The following CNOT4 variants were observed in gnomAD, a reference collection of about 807,000 sequenced individuals.
CNOT4 encodes the protein CCR4-associated factor 4.
Under a neutral mutation model 73.8 loss-of-function variants are expected in CNOT4, and 8 were observed. That is an observed-to-expected ratio of 0.11 (90% confidence interval 0.06 to 0.20). The LOEUF (loss-of-function observed/expected upper bound fraction) is 0.20, where lower values mean the gene tolerates loss of function less well. Among genes scored for constraint, CNOT4 ranks in the 10% least tolerant of loss-of-function variants. CNOT4 has a pLI of 1.00. For missense variants in CNOT4, 564 were observed against 883.4 expected, an observed-to-expected ratio of 0.64 and a Z score of 4.58; for synonymous variants, 293 against 321.1, an observed-to-expected ratio of 0.91 and a Z score of 0.94.
chr7:135,456,993 AC>A (rs1235503461), intron 1 of CNOT4, among the ~76,000 whole-genome samples: 1 of 152,050 alleles, frequency 6.6e-6, no homozygotes, highest in African/African-American at 2.4e-5. Flanking sequence ...AACTACTATA[AC>A]TACTAATTCA....
At chr7:135,397,159 ACT>A (rs1796739528) in intron 8 of CNOT4, among the ~76,000 whole-genome samples, 1 of 152,232 alleles carries the variant, frequency 6.6e-6, no homozygotes, top group African/African-American at 2.4e-5. Flanking sequence ...TTAAGATAAA[ACT>A]CTATAATAAC....
At chr7:135,438,493 A>G (rs1437227307) in intron 1 of CNOT4, 70 bp from the exon 2 acceptor site, 2 of 464,404 alleles carry the variant, frequency 4.3e-6, no homozygotes, top group Non-Finnish European at 7.1e-6. Context: ...TAAGAGTCAC[A>G]CTGTCAAAAA....
intron 1 of CNOT4, among the ~76,000 whole-genome samples, chr7:135,454,100 T>C (rs1408706331): frequency 6.6e-6 from 1 of 151,378 alleles, no homozygotes; most frequent in African/African-American, 2.4e-5. Flanking sequence ...AATATAGCTA[T>C]TAATTCTTCT....
chr7:135,362,654 A>C lies in CNOT4; in HGVS notation c.*231T>G, dbSNP rs1794699857. 3.2e-6 allele frequency: 2 copies of C among 632,642 alleles called. No individual in the cohort carries two copies. Among genetic ancestry groups the C allele is most frequent in the Non-Finnish European group, 5.7e-6 (2 of 353,474 alleles). 39.2% of individuals were successfully genotyped at this position (632,642 alleles called of 1,614,324 possible). ...TCTCCTTAAAAAGGCATTTTTAGAA[A>C]CATTCAACAGTGTCACTCAAATGCT... On this transcript the variant is annotated 3_prime_UTR_variant, in exon 12 of 12. Transcript: ENST00000541284.
At position 135,389,868 on chromosome 7, in the gene CNOT4, G is replaced by GA. The variant is rs141402419; in HGVS notation, c.1627+4049dup. On this transcript the variant is annotated intron_variant, in intron 10 of 11. Coordinates refer to ENST00000541284, the MANE Select transcript of CNOT4 (RefSeq NM_001190850.2). ...ATGTGGAAGGATAACTGACAAAGCA[G>GA]AAAAAGAGTCTGTCAATCCATATAA... Among the ~76,000 whole-genome samples, 340 of 152,202 alleles carry GA rather than the reference G, an allele frequency of 2.2e-3. 12 individuals are homozygous for GA. In the East Asian group the frequency reaches 0.054, roughly 24 times the overall value.
At chr7:135,444,902 C>A in intron 1 of CNOT4, 3 of 1,602,486 alleles carry the variant, frequency 1.9e-6, no homozygotes, top group Non-Finnish European at 2.6e-6. Flanking sequence ...TGGGCATCTG[C>A]AAAGCTGTTG....
chr7:135,456,130 C>G (rs1800514996), intron 1 of CNOT4, among the ~76,000 whole-genome samples: 2 of 152,206 alleles, frequency 1.3e-5, no homozygotes, highest in South Asian at 4.1e-4. Context: ...TGCTTAAATG[C>G]AAAGGCAGTC....
intron 3 of CNOT4, among the ~76,000 whole-genome samples, chr7:135,416,631 C>A (rs1341556765): frequency 6.6e-6 from 1 of 152,136 alleles, no homozygotes; most frequent in Non-Finnish European, 1.5e-5. Context: ...TGGATGCATA[C>A]CAACTCAGCA....
chr7:135,458,055 G>A (rs1400956421), intron 1 of CNOT4, among the ~76,000 whole-genome samples: 1 of 151,970 alleles, frequency 6.6e-6, no homozygotes, highest in African/African-American at 2.4e-5. Context: ...AAACAACATT[G>A]TAACAAACAC....
intron 1 of CNOT4, among the ~76,000 whole-genome samples, chr7:135,494,294 A>AC (rs1194106250): frequency 3.0e-4 from 46 of 151,804 alleles, no homozygotes; most frequent in Non-Finnish European, 1.0e-4. Context: ...ACATGGTGAA[A>AC]CCCCGTCTCT....
intron 3 of CNOT4, among the ~76,000 whole-genome samples, 179 bp from the exon 4 acceptor site, chr7:135,415,441 G>C (rs1585608889): frequency 6.6e-6 from 1 of 152,050 alleles, no homozygotes; most frequent in Non-Finnish European, 1.5e-5. Flanking sequence ...GAAATCAAAA[G>C]AGTTTAAAAG....
intron 2 of CNOT4, among the ~76,000 whole-genome samples, chr7:135,425,085 G>A (rs965939768): frequency 4.6e-5 from 7 of 152,112 alleles, no homozygotes; most frequent in East Asian, 3.8e-4. Context: ...CAATGTAGTC[G>A]AACATATGAC....
chr7:135,405,131 T>C (rs982746565), intron 7 of CNOT4, among the ~76,000 whole-genome samples: 1 of 152,198 alleles, frequency 6.6e-6, no homozygotes, highest in Non-Finnish European at 1.5e-5. Flanking sequence ...CTTATTTGTG[T>C]GGGATACTGG....
chr7:135,440,570 AT>A (rs1295346901), intron 1 of CNOT4, among the ~76,000 whole-genome samples: 1 of 152,198 alleles, frequency 6.6e-6, no homozygotes, highest in Non-Finnish European at 1.5e-5. Flanking sequence ...CCTATTCTAC[AT>A]AAATAGTGAC....
chr7:135,438,372 T>C lies in CNOT4; in HGVS notation c.-41A>G, dbSNP rs1486888880. On this transcript the variant is annotated 5_prime_UTR_variant, in exon 2 of 12. Transcript: ENST00000541284. The stretch of plus-strand genomic sequence containing the variant: ...ACAGCAGCAAAAGTTTATAATAATT[T>C]AAGGGAGAAGGAAGTTCAGCACTGA... 6.5e-7 allele frequency: 1 copy of C among 1,527,004 alleles called. No homozygotes were observed. The highest frequency in any genetic ancestry group is 1.3e-5 in the South Asian group (1 of 77,758). 94.6% of individuals were successfully genotyped at this position (1,527,004 alleles called of 1,614,324 possible). A position where few individuals can be genotyped will look rare whatever the true frequency, so the allele number is the denominator to read the frequency against.
intron 10 of CNOT4, among the ~76,000 whole-genome samples, chr7:135,378,058 A>T (rs1055583429): frequency 6.6e-6 from 1 of 152,218 alleles, no homozygotes; most frequent in Non-Finnish European, 1.5e-5. Context: ...AGGAGCTAGA[A>T]TTGCCTTAGA....
chr7:135,434,313 C>A (rs187790751), intron 2 of CNOT4, among the ~76,000 whole-genome samples: 1 of 152,212 alleles, frequency 6.6e-6, no homozygotes, highest in Non-Finnish European at 1.5e-5. Context: ...TCTTGCGCTG[C>A]GCTGAGCAGA....
Position 135,494,327 on chromosome 7 carries a change from G to A in CNOT4, c.-93+15562C>T, listed in dbSNP as rs113768082. Among the ~76,000 whole-genome samples the A allele has an allele frequency of 1.0e-3, 152 of 151,700 alleles. 1 individual carries two copies. The highest frequency in any genetic ancestry group is 1.7e-3 in the Non-Finnish European group (116 of 67,888). ...TCTACTAAAAATACAAAAATTAGCC[G>A]GGCATGGTAGTGCGCGCCTGTAATC... On this transcript the variant is annotated intron_variant, in intron 1 of 11. Transcript: ENST00000541284.
At chr7:135,413,737 T>A in intron 5 of CNOT4, 124 bp from the exon 6 acceptor site, 1 of 818,274 alleles carries the variant, frequency 1.2e-6, no homozygotes, top group Non-Finnish European at 1.9e-6. Context: ...AAACAAAAAG[T>A]ATGGCTGCAA....
Sources: allele counts gnomAD v4.1 joint callset (sites outside exome capture counted in the v4.1 genomes callset), GRCh38; gene constraint gnomAD v4.1.1; transcripts MANE v1.5; gene names NCBI Gene and HGNC (gene_info 2026-07-23, HGNC 2026-07-21).